MTAP: variants seen among roughly 807,000 people sequenced by gnomAD.
MTAP encodes methylthioadenosine phosphorylase.
A neutral mutation model predicts 33.6 loss-of-function variants in MTAP; 33 were observed. The observed-to-expected ratio is 0.98, with a 90% CI of 0.74 to 1.31. The LOEUF (loss-of-function observed/expected upper bound fraction) is 1.31. Among genes scored for constraint, MTAP ranks in the 40% most tolerant of loss-of-function variants. The probability of loss-of-function intolerance (pLI) is 0.00; values close to 1 mark genes in which losing one functional copy is unlikely to be tolerated. For missense variants in MTAP, 367 were observed against 360.0 expected (o/e 1.02, Z -0.16); for synonymous variants, 148 against 125.7 (o/e 1.18, Z -1.19).
At chr9:21,902,938 T>C (rs963974366) in intron 1 of MTAP, among the ~76,000 whole-genome samples, 2 of 152,180 alleles carry the variant, frequency 1.3e-5, no homozygotes, top group Admixed American at 1.3e-4. Flanking sequence ...TCTATATAAA[T>C]AAAAACTGAA....
chr9:21,824,496 G>A (rs947310421), intron 4 of MTAP, among the ~76,000 whole-genome samples: 1 of 152,062 alleles, frequency 6.6e-6, no homozygotes, highest in African/African-American at 2.4e-5. Context: ...GCCGTGTGAG[G>A]TGTCAGTCTG....
At chr9:21,898,930 A>T (rs1480366480) in intron 1 of MTAP, among the ~76,000 whole-genome samples, 1 of 152,132 alleles carries the variant, frequency 6.6e-6, no homozygotes, top group Non-Finnish European at 1.5e-5. Context: ...AGACACATGC[A>T]CATGTATGTT....
chr9:21,913,278 C>A (rs563923183), intron 1 of MTAP, among the ~76,000 whole-genome samples: 135 of 152,260 alleles, frequency 8.9e-4, no homozygotes, highest in African/African-American at 3.1e-3. Context: ...GGAAAAATTA[C>A]TTTAAAGTTC....
At chr9:21,929,898 C>T (rs1023722845) in intron 1 of MTAP, 1 of 356,200 alleles carries the variant, frequency 2.8e-6, no homozygotes, top group African/African-American at 2.1e-5. Context: ...TGTAATGTTA[C>T]TCTCTCTGTA....
At chr9:21,873,230 A>G (rs542276702) in intron 1 of MTAP, among the ~76,000 whole-genome samples, 2 of 152,318 alleles carry the variant, frequency 1.3e-5, no homozygotes, top group Non-Finnish European at 2.9e-5. Flanking sequence ...TTTGTTTTTT[A>G]TCTTATAGTT....
intron 1 of MTAP, chr9:21,930,699 A>T (rs1818943554): frequency 3.4e-6 from 2 of 582,692 alleles, no homozygotes; most frequent in Non-Finnish European, 6.1e-6. Context: ...AGTCCTCCAA[A>T]ACTGTCAAGG....
At chr9:21,925,034 A>C (rs954874249) in intron 1 of MTAP, among the ~76,000 whole-genome samples, 1 of 152,144 alleles carries the variant, frequency 6.6e-6, no homozygotes, top group Non-Finnish European at 1.5e-5. Flanking sequence ...CACATGACTG[A>C]CCTTGGTGGC....
At chr9:21,836,755 G>C (rs1037434149) in intron 4 of MTAP, among the ~76,000 whole-genome samples, 1 of 152,182 alleles carries the variant, frequency 6.6e-6, no homozygotes, top group African/African-American at 2.4e-5. Flanking sequence ...GCTCGGATGG[G>C]GTTTTTGTTC....
Position 21,863,820 on chromosome 9 carries a change from A to T in MTAP, c.*1806A>T. The T allele has an allele frequency of 1.0e-6, 1 of 985,832 alleles. No homozygotes were observed. The highest frequency in any genetic ancestry group is 4.7e-5 in the South Asian group (1 of 21,282). 61.1% of individuals were successfully genotyped at this position (985,832 alleles called of 1,614,324 possible). A position where few individuals can be genotyped will look rare whatever the true frequency, so the allele number is the denominator to read the frequency against. On this transcript the variant is annotated 3_prime_UTR_variant, in exon 8 of 8. Transcript: ENST00000644715. ...TCTCTGAGATTGACTTCAAGATAAT[A>T]AGCTGCTAATTGTAAACAAAACAGT...
At chr9:21,911,252 T>C (rs1294360473) in intron 1 of MTAP, among the ~76,000 whole-genome samples, 1 of 152,100 alleles carries the variant, frequency 6.6e-6, no homozygotes, top group Non-Finnish European at 1.5e-5. Context: ...TATCCAGGAA[T>C]TGAATTCAGC....
At chr9:21,855,005 G>T (rs548484013) in intron 6 of MTAP, 135 bp downstream of exon 6, 1 of 1,211,116 alleles carries the variant, frequency 8.3e-7, no homozygotes. Flanking sequence ...AATATTTTCT[G>T]TAGTTCCATT....
At chr9:21,940,003 G>A (rs115314983), downstream of MTAP, among the ~76,000 whole-genome samples, 893 of 152,192 alleles carry the variant, frequency 5.9e-3, 14 homozygotes, top group African/African-American at 0.02. Flanking sequence ...ATGACCAGCC[G>A]GGTGTGGTGG....
intron 1 of MTAP, among the ~76,000 whole-genome samples, chr9:21,814,047 A>G (rs1435418412): frequency 2.0e-5 from 3 of 152,240 alleles, no homozygotes; most frequent in South Asian, 2.1e-4. Context: ...CCTCCACAAG[A>G]TGGCGCCAAC....
chr9:21,833,197 C>CT (rs1467988549), intron 4 of MTAP, among the ~76,000 whole-genome samples: 2 of 151,788 alleles, frequency 1.3e-5, no homozygotes, highest in African/African-American at 2.4e-5. Context: ...TTTCACTTCT[C>CT]TTTTTTTTGA....
intron 4 of MTAP, among the ~76,000 whole-genome samples, chr9:21,829,666 A>G (rs1386092021): frequency 2.6e-5 from 4 of 152,112 alleles, no homozygotes; most frequent in African/African-American, 9.7e-5. Flanking sequence ...GTGTTCTTCA[A>G]AGGCTAGCGA....
Position 21,865,316 on chromosome 9 carries a change from G to T in MTAP, c.*3302G>T, listed in dbSNP as rs922751743. Reference sequence around the variant, plus strand: ...GAAGGACGTGTTTGTTTCCCCTTCTGCCACGATTGTAAGTTTCCTGAGGCC... The same window carrying T: ...GAAGGACGTGTTTGTTTCCCCTTCTTCCACGATTGTAAGTTTCCTGAGGCC... On this transcript the variant is annotated 3_prime_UTR_variant, in exon 8 of 8. Transcript: ENST00000644715. 7.1e-6 allele frequency: 4 copies of T among 562,376 alleles called. No individual in the cohort carries two copies. The highest frequency in any genetic ancestry group is 9.0e-6 in the Non-Finnish European group (4 of 443,892). 34.8% of individuals were successfully genotyped at this position (562,376 alleles called of 1,614,324 possible). A position where few individuals can be genotyped will look rare whatever the true frequency, so the allele number is the denominator to read the frequency against.
intron 1 of MTAP, among the ~76,000 whole-genome samples, chr9:21,907,609 G>A (rs1288754737): frequency 1.3e-5 from 2 of 151,712 alleles, no homozygotes; most frequent in East Asian, 3.9e-4. Context: ...AGCTAGCAAT[G>A]TGTTTCACAT....
intron 4 of MTAP, among the ~76,000 whole-genome samples, chr9:21,822,719 T>C (rs1182933863): frequency 6.6e-6 from 1 of 152,202 alleles, no homozygotes; most frequent in Non-Finnish European, 1.5e-5. Context: ...TGTCTAATGT[T>C]GACAGTGGGG....
rs1023722845 is a variant in MTAP, at chr9:21,929,898, C to G, written c.148-1110C>G. 4 of 356,200 alleles carry G rather than the reference C, an allele frequency of 1.1e-5. No individual in the cohort carries two copies. The Admixed American group carries it at 1.2e-4, about 11-fold the overall frequency. 22.1% of individuals were successfully genotyped at this position (356,200 alleles called of 1,614,324 possible). A position where few individuals can be genotyped will look rare whatever the true frequency, so the allele number is the denominator to read the frequency against. ...TTTCCCAGTATAGCTTGTAATGTTA[C>G]TCTCTCTGTAGATTCTAACCAACAG... On this transcript the variant is annotated intron_variant, in intron 1 of 1. Transcript: ENST00000577563.
Sources: allele counts gnomAD v4.1 joint callset (sites outside exome capture counted in the v4.1 genomes callset), GRCh38; gene constraint gnomAD v4.1.1; transcripts MANE v1.5; gene names NCBI Gene and HGNC (gene_info 2026-07-23, HGNC 2026-07-21).